Variants in TENM3 observed in about 807,000 individuals in gnomAD.
The protein encoded by TENM3 is teneurin-3.
A neutral mutation model predicts 255.1 loss-of-function variants in TENM3; 63 were observed. The observed-to-expected ratio is 0.25, with a 90% confidence interval of 0.20 to 0.30. TENM3 has a LOEUF of 0.30. Ranked by LOEUF, TENM3 falls within the 10% of genes least tolerant of loss-of-function variation. The pLI, the probability that TENM3 is intolerant of heterozygous loss-of-function variation, is 1.00. For synonymous variants in TENM3, 1,306 were observed against 1,322.3 expected (o/e 0.99, Z 0.27); for missense variants, 2,929 against 3,461.1 (o/e 0.85, Z 3.86).
chr4:182,311,819 C>G (rs1762465030), intron 1 of TENM3, among the ~76,000 whole-genome samples: 1 of 152,216 alleles, frequency 6.6e-6, no homozygotes, highest in Non-Finnish European at 1.5e-5. Context: ...GAAGCTCCCC[C>G]AGTGGCACAC....
At chr4:182,252,441 G>A (rs1758081638) in intron 1 of TENM3, among the ~76,000 whole-genome samples, 1 of 151,968 alleles carries the variant, frequency 6.6e-6, no homozygotes, top group Non-Finnish European at 1.5e-5. Context: ...GTGTGCAGTT[G>A]GCAAATCAGC....
chr4:182,573,628 T>C (rs1014855506), intron 3 of TENM3, among the ~76,000 whole-genome samples: 8 of 152,212 alleles, frequency 5.3e-5, no homozygotes, highest in African/African-American at 1.7e-4. Flanking sequence ...TTTATTACTT[T>C]AGAGCAACAT....
chr4:181,709,645 A>T, the TENM3 span, among the ~76,000 whole-genome samples: 1 of 152,268 alleles, frequency 6.6e-6, no homozygotes. Flanking sequence ...CCCTGGCCAG[A>T]TCACATACAG....
chr4:182,051,066 G>A, the TENM3 span, among the ~76,000 whole-genome samples: 4,044 of 152,028 alleles, frequency 0.027, 100 homozygotes, highest in East Asian at 0.13. Flanking sequence ...AATGAAGTCT[G>A]GGCATGGTGG....
chr4:181,723,945 C>A, the TENM3 span, among the ~76,000 whole-genome samples: 2 of 152,144 alleles, frequency 1.3e-5, no homozygotes, highest in Non-Finnish European at 2.9e-5. Flanking sequence ...GAAGAGCCAT[C>A]TACTTTTTTC....
chr4:181,604,632 T>C, the TENM3 span, among the ~76,000 whole-genome samples: 2,375 of 152,272 alleles, frequency 0.016, 38 homozygotes, highest in South Asian at 0.068. Flanking sequence ...TCCTACCTAC[T>C]CAGTGCCCCT....
At chr4:181,486,201 A>T in the TENM3 span, among the ~76,000 whole-genome samples, 1 of 152,186 alleles carries the variant, frequency 6.6e-6, no homozygotes, top group African/African-American at 2.4e-5. Flanking sequence ...CACACCAGGT[A>T]CAGAAGGTTG....
At chr4:182,773,741 G>A (rs1256633753) in intron 23 of TENM3, 94 bp downstream of exon 23, 2 of 1,121,284 alleles carry the variant, frequency 1.8e-6, no homozygotes, top group Admixed American at 4.3e-5. Flanking sequence ...AAAAGGGAAG[G>A]TGAAAATGTA....
intron 3 of TENM3, among the ~76,000 whole-genome samples, chr4:182,458,983 T>G (rs72999361): frequency 0.014 from 2,123 of 152,308 alleles, 51 homozygotes; most frequent in African/African-American, 0.049. Context: ...AATGTTCCGT[T>G]ATAGTACCAT....
chr4:182,041,456 G>A, the TENM3 span, among the ~76,000 whole-genome samples: 24 of 152,182 alleles, frequency 1.6e-4, no homozygotes, highest in Admixed American at 6.5e-4. Context: ...ATAAAATAAA[G>A]CTCAGCTTAA....
intron 3 of TENM3, among the ~76,000 whole-genome samples, chr4:182,583,705 G>A (rs573348062): frequency 6.6e-6 from 1 of 151,992 alleles, no homozygotes; most frequent in Admixed American, 6.5e-5. Context: ...TAAAATTAAT[G>A]TCAGAACACT....
chr4:182,296,104 C>T (rs2150347809), intron 1 of TENM3, among the ~76,000 whole-genome samples: 1 of 152,236 alleles, frequency 6.6e-6, no homozygotes, highest in Non-Finnish European at 1.5e-5. Flanking sequence ...GCTGGGATTA[C>T]AGGCACGCAC....
chr4:182,100,680 C>CACACATATATAT, the TENM3 span, among the ~76,000 whole-genome samples: 1 of 27,776 alleles, frequency 3.6e-5, no homozygotes, highest in African/African-American at 9.5e-5. Flanking sequence ...CATATATATA[C>CACACATATATAT]ACACATATAT....
At chr4:181,845,480 G>A in the TENM3 span, among the ~76,000 whole-genome samples, 5 of 152,078 alleles carry the variant, frequency 3.3e-5, no homozygotes, top group Non-Finnish European at 7.3e-5. Flanking sequence ...AGTGGATGGG[G>A]AAGGAAATAT....
the TENM3 span, chr4:181,975,906 AAG>A: frequency 6.6e-6 from 1 of 152,176 alleles, no homozygotes; most frequent in Non-Finnish European, 1.5e-5. Context: ...TAGTGGCTAC[AAG>A]TCGAAAATCA....
the TENM3 span, among the ~76,000 whole-genome samples, chr4:181,528,373 G>C: frequency 1.3e-5 from 2 of 152,118 alleles, no homozygotes; most frequent in African/African-American, 4.8e-5. Context: ...CTACAAAACA[G>C]ACCCTCTAGC....
chr4:182,435,295 T>A (rs986681316), intron 3 of TENM3, among the ~76,000 whole-genome samples: 12 of 152,220 alleles, frequency 7.9e-5, no homozygotes, highest in Admixed American at 7.9e-4. Flanking sequence ...ACAAATATGG[T>A]GTTTATTACA....
chr4:181,481,016 T>C, the TENM3 span, among the ~76,000 whole-genome samples: 1 of 151,746 alleles, frequency 6.6e-6, no homozygotes, highest in Admixed American at 6.6e-5. Flanking sequence ...ATGAAACGAC[T>C]AGAATAAAAT....
At chr4:181,909,491 G>C in the TENM3 span, among the ~76,000 whole-genome samples, 1 of 152,060 alleles carries the variant, frequency 6.6e-6, no homozygotes, top group South Asian at 2.1e-4. Flanking sequence ...CCTAAGTCCG[G>C]CCGCCTCACC....
Sources: gnomAD v4.1 joint callset for allele counts (sites outside exome capture counted in the v4.1 genomes callset) on GRCh38, gnomAD v4.1.1 for gene constraint, MANE v1.5 for transcripts, NCBI Gene and HGNC (gene_info 2026-07-23, HGNC 2026-07-21) for gene names.